FRMD3: variants seen among roughly 807,000 people sequenced by gnomAD.
The protein encoded by FRMD3 is FERM domain-containing protein 3.
FRMD3 carries 33 observed loss-of-function variants against 70.2 expected under a neutral mutation model. The observed-to-expected ratio is 0.47, with a 90% CI of 0.36 to 0.63. The LOEUF (loss-of-function observed/expected upper bound fraction) is 0.63. Ranked by LOEUF, FRMD3 falls within the 20% of genes least tolerant of loss-of-function variation. FRMD3 has a pLI of 0.00. For missense variants in FRMD3, 632 were observed against 711.4 expected, an observed-to-expected ratio of 0.89 and a Z score of 1.27; for synonymous variants, 279 against 255.9, an observed-to-expected ratio of 1.09 and a Z score of -0.86.
At chr9:83,507,711 T>TATAC (rs1829227541) in intron 1 of FRMD3, among the ~76,000 whole-genome samples, 1 of 100,954 alleles carries the variant, frequency 9.9e-6, no homozygotes, top group Non-Finnish European at 2.0e-5. Context: ...TATATATATA[T>TATAC]ATATATATAT....
At position 83,538,206 on chromosome 9, in the gene FRMD3, G is replaced by T. The variant is rs200662905; in HGVS notation, c.26C>A (p.Pro9Gln). Residue 9 changes from proline (P) to glutamine (Q), a missense_variant, in exon 1 of 14, where the codon CCG becomes CAG. Pro to Gln is a moderately conservative substitution (Grantham distance 76). Transcript: ENST00000304195. The surrounding 1 kb of genome is among the most constrained non-coding windows in gnomAD (Gnocchi z 4.7). Reference sequence around the variant, plus strand: ...CATTTTCATGGTCCTCCTGCCTCTCGGCACACAGTGGCAGGAGGCGAACAT... The same window carrying T: ...CATTTTCATGGTCCTCCTGCCTCTCTGCACACAGTGGCAGGAGGCGAACAT... MFASCHCV[P>Q]RGRRTMKMIH... 3 of 1,586,838 alleles carry T rather than the reference G, an allele frequency of 1.9e-6. No homozygotes were observed. Among genetic ancestry groups the T allele is most frequent in the East Asian group, 4.6e-5 (2 of 43,546 alleles).
the FRMD3 span, among the ~76,000 whole-genome samples, chr9:83,544,766 G>A: frequency 6.6e-6 from 1 of 152,180 alleles, no homozygotes; most frequent in South Asian, 2.1e-4. Context: ...CCATACTAAC[G>A]TTATCTATAA....
chr9:83,441,733 AAC>A (rs1345781819), intron 1 of FRMD3, among the ~76,000 whole-genome samples: 2 of 152,206 alleles, frequency 1.3e-5, no homozygotes, highest in East Asian at 3.8e-4. Context: ...GGCAAAAACA[AAC>A]ACACACATTA....
At chr9:83,500,034 A>G (rs1829027429) in intron 1 of FRMD3, among the ~76,000 whole-genome samples, 1 of 152,234 alleles carries the variant, frequency 6.6e-6, no homozygotes, top group African/African-American at 2.4e-5. Flanking sequence ...AATATATTAT[A>G]CAAAAATATG....
At chr9:83,338,684 C>T (rs1285637304) in intron 5 of FRMD3, among the ~76,000 whole-genome samples, 1 of 151,906 alleles carries the variant, frequency 6.6e-6, no homozygotes, top group Non-Finnish European at 1.5e-5. Flanking sequence ...CACAAAAAAA[C>T]AATATTAATC....
intron 8 of FRMD3, among the ~76,000 whole-genome samples, chr9:83,311,006 T>C (rs900043855): frequency 6.6e-6 from 1 of 152,234 alleles, no homozygotes; most frequent in Non-Finnish European, 1.5e-5. Context: ...TTTTCCCTGT[T>C]TACAAAAGAA....
intron 1 of FRMD3, among the ~76,000 whole-genome samples, chr9:83,528,564 C>T (rs1829731981): frequency 6.6e-6 from 1 of 151,958 alleles, no homozygotes; most frequent in South Asian, 2.1e-4. Context: ...CAGGGCCTCA[C>T]TGTCACCCAG....
chr9:83,434,439 G>A (rs1308021832), intron 1 of FRMD3, among the ~76,000 whole-genome samples: 1 of 152,122 alleles, frequency 6.6e-6, no homozygotes, highest in Non-Finnish European at 1.5e-5. Context: ...GGGGACAAAT[G>A]TCCAACACTA....
At chr9:83,470,335 T>C (rs566667068) in intron 1 of FRMD3, among the ~76,000 whole-genome samples, 1 of 152,194 alleles carries the variant, frequency 6.6e-6, no homozygotes, top group Non-Finnish European at 1.5e-5. Flanking sequence ...TTAGTGTTGA[T>C]CTGGGCTGCA....
At chr9:83,361,313 A>G (rs929392866) in intron 3 of FRMD3, among the ~76,000 whole-genome samples, 5 of 152,260 alleles carry the variant, frequency 3.3e-5, no homozygotes, top group African/African-American at 1.2e-4. Flanking sequence ...TTTATTATGA[A>G]TCAATAACAT....
At chr9:83,434,533 C>T (rs1827075117) in intron 1 of FRMD3, among the ~76,000 whole-genome samples, 1 of 152,228 alleles carries the variant, frequency 6.6e-6, no homozygotes, top group Admixed American at 6.5e-5. Flanking sequence ...TCACCCATCC[C>T]TTCCTGCTTA....
At position 83,309,259 on chromosome 9, in the gene FRMD3, TACACACACAC is replaced by T. The variant is rs3029557; in HGVS notation, c.926+267_926+276del. ...ATTTTGTGGAAATAGCTATTTGAAA[TACACACACAC>T]ACACACACACACACACACACACACA... On this transcript the variant is annotated intron_variant, in intron 10 of 13. Transcript: ENST00000304195. Among the ~76,000 whole-genome samples, 497 of 138,344 alleles carry T rather than the reference TACACACACAC, an allele frequency of 3.6e-3. 3 individuals are homozygous for T. The highest frequency in any genetic ancestry group is 6.5e-3 in the South Asian group (26 of 3,998). The allele number at this position is 138,344 out of a possible 152,430, so 90.8% of individuals were successfully genotyped here.
In FRMD3 at chr9:83,265,209, G is replaced by A. The variant is rs536808403; in HGVS notation, c.1196-16693C>T. On this transcript the variant is annotated intron_variant, in intron 13 of 13. Coordinates refer to ENST00000304195, the MANE Select transcript of FRMD3 (RefSeq NM_174938.6). ...AGGTCAGGAGATTGGGATCATCCTG[G>A]CTAACACGGTGAAACCCCGTCTCTA... 2.0e-5 allele frequency among the ~76,000 whole-genome samples: 3 copies of A among 152,014 alleles called. No individual in the cohort carries two copies. The South Asian group carries it at 6.2e-4, about 32-fold the overall frequency.
chr9:83,369,191 A>T, intron 3 of FRMD3, among the ~76,000 whole-genome samples: 1 of 152,292 alleles, frequency 6.6e-6, no homozygotes. Flanking sequence ...ACTTTCACAA[A>T]ATGCAGTACT....
downstream of FRMD3, among the ~76,000 whole-genome samples, chr9:83,243,448 T>C (rs17309634): frequency 0.015 from 2,210 of 152,262 alleles, 31 homozygotes; most frequent in Middle Eastern, 0.071. Flanking sequence ...TTCCTCTATT[T>C]GGCTAAGGAG....
chr9:83,518,960 C>T (rs921323636), intron 1 of FRMD3, among the ~76,000 whole-genome samples: 3 of 152,118 alleles, frequency 2.0e-5, no homozygotes, highest in Non-Finnish European at 4.4e-5. Flanking sequence ...TGAAACTGGA[C>T]CCCTTCCTTA....
rs1827101272 is a variant in FRMD3 at position 83,435,293 on chromosome 9, G to C, written c.148-45585C>G. 2.0e-5 allele frequency among the ~76,000 whole-genome samples: 3 copies of C among 152,240 alleles called. No individual in the cohort carries two copies. The South Asian group carries it at 6.2e-4, about 32-fold the overall frequency. ...TGAATTCAAATATCCAGGCCCACCT[G>C]GCAGATCCTTTGGTCCCTCCTAGTT... On this transcript the variant is annotated intron_variant, in intron 1 of 13. Coordinates refer to ENST00000304195, the MANE Select transcript of FRMD3 (RefSeq NM_174938.6).
Position 83,521,443 on chromosome 9 carries a change from G to A in FRMD3, c.147+16642C>T, listed in dbSNP as rs570034236. ...CAAGGCCGCAGTGAGCTATGATGGCGCCACTGCCCTCTAGCCTGGGTGAAA... is the reference window on the plus strand; with the variant it reads ...CAAGGCCGCAGTGAGCTATGATGGCACCACTGCCCTCTAGCCTGGGTGAAA... On this transcript the variant is annotated intron_variant, in intron 1 of 13. Coordinates refer to ENST00000304195, the MANE Select transcript of FRMD3 (RefSeq NM_174938.6). Among the ~76,000 whole-genome samples the A allele has an allele frequency of 3.9e-5, 6 of 152,202 alleles. No homozygotes were observed. In the East Asian group the frequency reaches 7.7e-4, roughly 20 times the overall value.
the FRMD3 span, among the ~76,000 whole-genome samples, chr9:83,554,408 T>C: frequency 6.1e-3 from 929 of 152,294 alleles, 4 homozygotes; most frequent in Non-Finnish European, 9.3e-3. Flanking sequence ...GAGATCTTAG[T>C]AGTGGTTGTG....
Sources: gnomAD v4.1 joint callset for allele counts (sites outside exome capture counted in the v4.1 genomes callset) on GRCh38, gnomAD v4.1.1 for gene constraint, Gnocchi (gnomAD v3.1) non-coding constraint, MANE v1.5 for transcripts, NCBI Gene and HGNC (gene_info 2026-07-23, HGNC 2026-07-21) for gene names.